The following GRAMD1C variants were observed in gnomAD, a reference collection of about 807,000 sequenced individuals.
GRAMD1C encodes protein Aster-C.
A neutral mutation model predicts 97.8 loss-of-function variants in GRAMD1C; 89 were observed. The ratio of observed to expected loss-of-function variants is 0.91; its 90% confidence interval spans 0.77 to 1.09. The LOEUF is 1.09. Among genes scored for constraint, GRAMD1C ranks in the 50% least tolerant of loss-of-function variants. GRAMD1C has a pLI of 0.00. For synonymous variants in GRAMD1C, 256 were observed against 267.0 expected (o/e 0.96, Z 0.40); for missense variants, 740 against 766.4 (o/e 0.97, Z 0.41).
At chr3:113,845,526 TACAA>T (rs368330904) in intron 2 of GRAMD1C, among the ~76,000 whole-genome samples, 3 of 152,018 alleles carry the variant, frequency 2.0e-5, no homozygotes, top group South Asian at 2.1e-4. Context: ...ACCCAGTCTC[TACAA>T]ACAAACAAAC....
intron 14 of GRAMD1C, 63 bp downstream of exon 14, chr3:113,936,505 G>T: frequency 1.9e-6 from 2 of 1,053,084 alleles, no homozygotes; most frequent in Non-Finnish European, 2.8e-6. Context: ...AGCAGAATGT[G>T]CCTCTTGTTT....
At position 113,901,150 on chromosome 3, in the gene GRAMD1C, C is replaced by G. The variant is rs980954368; in HGVS notation, c.656+4C>G. The G allele has an allele frequency of 2.8e-6, 4 of 1,442,188 alleles. No homozygotes were observed. The highest frequency in any genetic ancestry group is 3.9e-6 in the Non-Finnish European group (4 of 1,025,940). The allele number at this position is 1,442,188 out of a possible 1,614,324, so 89.3% of individuals were successfully genotyped here. On this transcript the variant is annotated splice_donor_region_variant and intron_variant, in intron 7 of 17. Coordinates refer to ENST00000358160, the MANE Select transcript of GRAMD1C (RefSeq NM_017577.5). ...CGATTGAGGATGTGCAGCCAAGGTA[C>G]AGCAAAATGTTTTGAAATGTCAAAA...
At chr3:113,851,709 G>C (rs1933913098) in intron 2 of GRAMD1C, among the ~76,000 whole-genome samples, 1 of 151,286 alleles carries the variant, frequency 6.6e-6, no homozygotes, top group African/African-American at 2.4e-5. Flanking sequence ...GTAGAGATGG[G>C]GTTTCACCAT....
chr3:113,857,905 AT>A (rs1934212900), intron 2 of GRAMD1C, among the ~76,000 whole-genome samples: 1 of 152,116 alleles, frequency 6.6e-6, no homozygotes. Context: ...ATTTGCTAAT[AT>A]TTTGTTAAGG....
intron 3 of GRAMD1C, 136 bp from the exon 4 acceptor site, chr3:113,875,348 C>T: frequency 1.7e-6 from 1 of 579,460 alleles, no homozygotes; most frequent in Non-Finnish European, 3.1e-6. Flanking sequence ...CATATGGTGT[C>T]CAAAGTAGAT....
chr3:113,935,046 A>G lies in GRAMD1C; in HGVS notation c.1456+511A>G, dbSNP rs117150312. Among the ~76,000 whole-genome samples the G allele has an allele frequency of 1.4e-3, 216 of 152,314 alleles. 6 individuals are homozygous for G. In the East Asian group the frequency reaches 0.038, roughly 27 times the overall value. On this transcript the variant is annotated intron_variant, in intron 13 of 17. Transcript: ENST00000358160. ...GTGAGGCACCACCGTGCCTGGCCGAACAAACACTTACATAATGCTTATTAT... is the reference window on the plus strand; with the variant it reads ...GTGAGGCACCACCGTGCCTGGCCGAGCAAACACTTACATAATGCTTATTAT...
chr3:113,847,993 C>T (rs1482064389), intron 2 of GRAMD1C, among the ~76,000 whole-genome samples: 1 of 152,146 alleles, frequency 6.6e-6, no homozygotes, highest in Non-Finnish European at 1.5e-5. Flanking sequence ...AGGTTTCTAG[C>T]AAAAGAATGG....
intron 1 of GRAMD1C, among the ~76,000 whole-genome samples, chr3:113,843,484 GC>G (rs1933465249): frequency 6.6e-6 from 1 of 151,660 alleles, no homozygotes; most frequent in African/African-American, 2.4e-5. Context: ...TACCCGATGG[GC>G]CCATATTTTT....
chr3:113,936,184 C>A (rs1937574030), intron 13 of GRAMD1C, 82 bp from the exon 14 acceptor site: 1 of 760,896 alleles, frequency 1.3e-6, no homozygotes, highest in Non-Finnish European at 2.1e-6. Flanking sequence ...AGAAAATTAT[C>A]AAAAATAACC....
intron 9 of GRAMD1C, chr3:113,912,961 T>C (rs1936658795): frequency 7.8e-6 from 2 of 256,948 alleles, no homozygotes; most frequent in Non-Finnish European, 1.5e-5. Context: ...GGACTCTTTT[T>C]CTTAAAATTG....
intron 2 of GRAMD1C, chr3:113,850,429 G>C: frequency 8.5e-7 from 1 of 1,181,866 alleles, no homozygotes; most frequent in Middle Eastern, 2.8e-4. Context: ...GCCAAGGCCT[G>C]CCAGTCTCTG....
intron 10 of GRAMD1C, among the ~76,000 whole-genome samples, chr3:113,921,072 C>T (rs1937030289): frequency 6.6e-6 from 1 of 152,186 alleles, no homozygotes; most frequent in Non-Finnish European, 1.5e-5. Context: ...CCACCCTCCA[C>T]CCTCAAGTAG....
intron 6 of GRAMD1C, among the ~76,000 whole-genome samples, chr3:113,886,777 GTTTTT>G (rs34683672): frequency 1.2e-5 from 1 of 80,038 alleles, no homozygotes; most frequent in African/African-American, 4.7e-5. Context: ...TTGTTTGCTT[GTTTTT>G]TTTTTTTTTT....
chr3:113,945,362 A>G (rs1340943888), intron 17 of GRAMD1C, 36 bp from the exon 18 acceptor site: 1 of 1,349,698 alleles, frequency 7.4e-7, no homozygotes, highest in Non-Finnish European at 1.1e-6. Context: ...TGATTAGAAA[A>G]ATTAATCTGA....
chr3:113,873,681 G>A (rs764057774), intron 3 of GRAMD1C, among the ~76,000 whole-genome samples: 9 of 152,068 alleles, frequency 5.9e-5, no homozygotes, highest in African/African-American at 2.2e-4. Context: ...ACCATACCTG[G>A]CTAATTTTTG....
chr3:113,841,442 C>T (rs139078123), intron 1 of GRAMD1C, among the ~76,000 whole-genome samples: 2,381 of 151,514 alleles, frequency 0.016, 64 homozygotes, highest in African/African-American at 0.055. Flanking sequence ...CGTACCACCA[C>T]GCCCAGCTAA....
In GRAMD1C at chr3:113,875,577, G is replaced by A. The variant is rs1934993676; in HGVS notation, c.353G>A (p.Trp118Ter). 3 of 1,366,258 alleles carry A rather than the reference G, an allele frequency of 2.2e-6. No homozygotes were observed. The highest frequency in any genetic ancestry group is 3.2e-6 in the Non-Finnish European group (3 of 952,364). 84.6% of individuals were successfully genotyped at this position (1,366,258 alleles called of 1,614,324 possible). A position where few individuals can be genotyped will look rare whatever the true frequency, so the allele number is the denominator to read the frequency against. ...TGTTTCTATAGCAACATCTTCAGAT[G>A]GGAAACTACAGTAAGACATTTTGCA... Reference protein sequence around the residue: ...WLCFYSNIFRWETTISIALKN... With the variant: ...WLCFYSNIFR The change falls in exon 4 of 18, where the codon TGG becomes TAG. Residue 118 changes from tryptophan (W) to a stop codon, truncating the protein, a stop_gained. Coordinates refer to ENST00000358160, the MANE Select transcript of GRAMD1C (RefSeq NM_017577.5). LOFTEE classifies it high-confidence loss of function.
At chr3:113,911,602 TCTCC>T (rs1936579540) in intron 9 of GRAMD1C, among the ~76,000 whole-genome samples, 1 of 150,930 alleles carries the variant, frequency 6.6e-6, no homozygotes, top group African/African-American at 2.4e-5. Context: ...CTTCCTTCCT[TCTCC>T]CTCCCTCCTT....
At chr3:113,887,708 C>CAAA (rs1156243184) in intron 6 of GRAMD1C, among the ~76,000 whole-genome samples, 9 of 47,510 alleles carry the variant, frequency 1.9e-4, no homozygotes, top group African/African-American at 5.0e-4. Flanking sequence ...ACTCCGTCTC[C>CAAA]AAAAAAAAAA....
Sources: allele counts gnomAD v4.1 joint callset (sites outside exome capture counted in the v4.1 genomes callset), GRCh38; gene constraint gnomAD v4.1.1; transcripts MANE v1.5; gene names NCBI Gene and HGNC (gene_info 2026-07-23, HGNC 2026-07-21).